The following BCR variants were observed in gnomAD, a reference collection of about 807,000 sequenced individuals.
BCR encodes BCR activator of RhoGEF and GTPase.
Under a neutral mutation model 138.6 loss-of-function variants are expected in BCR, and 58 were observed. That is an observed-to-expected ratio of 0.42 (90% CI 0.34 to 0.52). BCR has a LOEUF of 0.52. Among genes scored for constraint, BCR ranks in the 20% least tolerant of loss-of-function variants. The probability of loss-of-function intolerance (pLI) is 0.06; values close to 1 mark genes in which losing one functional copy is unlikely to be tolerated. For synonymous variants in BCR, 786 were observed against 730.1 expected (o/e 1.08, Z -1.23); for missense variants, 1,599 against 1,727.2 (o/e 0.93, Z 1.32).
chr22:23,226,248 A>G (rs1346649172), intron 1 of BCR, among the ~76,000 whole-genome samples: 6 of 152,206 alleles, frequency 3.9e-5, no homozygotes, highest in Middle Eastern at 3.4e-3. Context: ...TCCCGTCAGA[A>G]ATATCCTTCC....
chr22:23,258,059 G>A (rs2073314502), intron 2 of BCR, among the ~76,000 whole-genome samples: 2 of 152,194 alleles, frequency 1.3e-5, no homozygotes, highest in African/African-American at 2.4e-5. Flanking sequence ...GGGGACAGGT[G>A]TGCATGGAAC....
chr22:23,218,558 G>A (rs2072783881), intron 1 of BCR, among the ~76,000 whole-genome samples: 2 of 152,248 alleles, frequency 1.3e-5, no homozygotes, highest in South Asian at 4.1e-4. Context: ...GTGAGGAGGG[G>A]TCTGGCCTGC....
intron 16 of BCR, among the ~76,000 whole-genome samples, chr22:23,301,654 G>A (rs2073903406): frequency 1.3e-5 from 2 of 152,234 alleles, no homozygotes; most frequent in Admixed American, 1.3e-4. Flanking sequence ...GTCAATCTGG[G>A]CCAAAGCCTG....
At chr22:23,182,570 A>G (rs1341215315) in intron 1 of BCR, among the ~76,000 whole-genome samples, 1 of 152,152 alleles carries the variant, frequency 6.6e-6, no homozygotes, top group East Asian at 1.9e-4. Flanking sequence ...CCTCCTTGCT[A>G]TGTGCTCTCT....
In BCR at chr22:23,313,992, A is replaced by C. The variant is rs1198893680; in HGVS notation, c.3482A>C (p.Glu1161Ala). 3 of 1,613,992 alleles carry C rather than the reference A, an allele frequency of 1.9e-6. No homozygotes were observed. Among genetic ancestry groups the C allele is most frequent in the Non-Finnish European group, 2.5e-6 (3 of 1,180,016 alleles). Residue 1161 changes from glutamate to alanine, a missense_variant, in exon 21 of 23, where the codon GAG becomes GCG. Transcript: ENST00000305877. ...GIALSDPVAKESCMLNLLLSL... is the reference protein window; with the variant it reads ...GIALSDPVAKASCMLNLLLSL... ...GCTCTTTCAGACCCGGTTGCAAAGG[A>C]GAGCTGCATGCTCAACCTGCTGCTG...
In BCR at chr22:23,222,055, C is replaced by G. The variant is rs112170704; in HGVS notation, c.1280-31744C>G. Reference sequence around the variant, plus strand: ...GCAGTGAGCTGAGATCATGCCACTGCACTCCAGCTTGGGCAACAGAGTGAG... The same window carrying G: ...GCAGTGAGCTGAGATCATGCCACTGGACTCCAGCTTGGGCAACAGAGTGAG... On this transcript the variant is annotated intron_variant, in intron 1 of 22. Coordinates refer to ENST00000305877, the MANE Select transcript of BCR (RefSeq NM_004327.4). Among the ~76,000 whole-genome samples, 791 of 152,130 alleles carry G rather than the reference C, an allele frequency of 5.2e-3. 9 individuals carry two copies. The highest frequency in any genetic ancestry group is 0.017 in the African/African-American group (702 of 41,416).
intron 2 of BCR, among the ~76,000 whole-genome samples, chr22:23,255,904 C>A (rs536151004): frequency 6.6e-6 from 1 of 152,326 alleles, no homozygotes; most frequent in African/African-American, 2.4e-5. Context: ...CCCCTTGGCC[C>A]AGAGCTGGTC....
intron 7 of BCR, 39 bp downstream of exon 7, chr22:23,273,172 C>T (rs1386995967): frequency 2.5e-6 from 4 of 1,597,862 alleles, no homozygotes; most frequent in Non-Finnish European, 3.4e-6. Flanking sequence ...ACCAAAACTG[C>T]CCCCTCGGGC....
chr22:23,192,021 C>G (rs1257603694), intron 1 of BCR, among the ~76,000 whole-genome samples: 1 of 152,186 alleles, frequency 6.6e-6, no homozygotes, highest in Non-Finnish European at 1.5e-5. Flanking sequence ...TGCAAAATGA[C>G]TATAGATGTG....
At position 23,315,475 on chromosome 22, in the gene BCR, G is replaced by T. The variant is rs753713874; in HGVS notation, c.3769G>T (p.Ala1257Ser). Residue 1257 changes from alanine (A) to serine (S), a missense_variant, in exon 23 of 23, where the codon GCC (alanine) becomes TCC (serine). Physicochemically the swap from Ala to Ser is moderately conservative, Grantham distance 99. Around this residue, in one of 4 missense-constraint regions of BCR, gnomAD observed 177 missense variants for 226.4 expected, o/e 0.78. Transcript: ENST00000305877. ...CTTCCTGCAGCTGGAGGCCATCCCTGCCCCGGACAGCAAGAGACAGAGCAT... is the reference window on the plus strand; with the variant it reads ...CTTCCTGCAGCTGGAGGCCATCCCTTCCCCGGACAGCAAGAGACAGAGCAT... Reference protein sequence around the residue: ...LYFLQLEAIPAPDSKRQSILF... With the variant: ...LYFLQLEAIPSPDSKRQSILF... 1 of 1,613,076 alleles carries T rather than the reference G, an allele frequency of 6.2e-7. No homozygotes were observed. The highest frequency in any genetic ancestry group is 1.1e-5 in the South Asian group (1 of 91,044).
chr22:23,247,048 G>T (rs1022173322), intron 1 of BCR, among the ~76,000 whole-genome samples: 3 of 152,146 alleles, frequency 2.0e-5, no homozygotes, highest in Admixed American at 2.0e-4. Flanking sequence ...TCCCAGCCAT[G>T]GTTTTCCAAG....
At position 23,235,368 on chromosome 22, in the gene BCR, C is replaced by T. The variant is rs1414212289; in HGVS notation, c.1280-18431C>T. On this transcript the variant is annotated intron_variant, in intron 1 of 22. Transcript: ENST00000305877. ...GTGCTGAGATTACTAGTGTGAGCCA[C>T]CATGCCCGGCCTTCTCCAAGTTCCG... Among the ~76,000 whole-genome samples, 3 of 144,918 alleles carry T rather than the reference C, an allele frequency of 2.1e-5. 1 individual carries two copies. Among genetic ancestry groups the T allele is most frequent in the Non-Finnish European group, 4.7e-5 (3 of 63,732 alleles).
chr22:23,272,840 C>T (rs567310398), intron 6 of BCR, among the ~76,000 whole-genome samples: 2 of 152,258 alleles, frequency 1.3e-5, no homozygotes, highest in South Asian at 2.1e-4. Flanking sequence ...CTGTTGCCAC[C>T]GAGCCAGCCA....
chr22:23,241,139 G>A (rs2073085506), intron 1 of BCR, among the ~76,000 whole-genome samples: 1 of 152,366 alleles, frequency 6.6e-6, no homozygotes, highest in Admixed American at 6.5e-5. Context: ...TGCTGGGAAT[G>A]TGGTGAATGT....
rs2072308288 is a variant in BCR at position 23,184,156 on chromosome 22, A to C, written c.1279+1917A>C. On this transcript the variant is annotated intron_variant, in intron 1 of 22. Coordinates refer to ENST00000305877, the MANE Select transcript of BCR (RefSeq NM_004327.4). ...CAGGTTGGAATGCAGTAGTATGATCATAGCTCACTGCAACCTCAAAACTCT... is the reference window on the plus strand; with the variant it reads ...CAGGTTGGAATGCAGTAGTATGATCCTAGCTCACTGCAACCTCAAAACTCT... 2.0e-5 allele frequency among the ~76,000 whole-genome samples: 3 copies of C among 152,192 alleles called. No homozygotes were observed. In the South Asian group the frequency reaches 6.2e-4, roughly 32 times the overall value.
At chr22:23,220,998 A>G (rs2072818556) in intron 1 of BCR, among the ~76,000 whole-genome samples, 1 of 152,136 alleles carries the variant, frequency 6.6e-6, no homozygotes, top group African/African-American at 2.4e-5. Flanking sequence ...CTTTGATGGT[A>G]GGGCAGGATT....
chr22:23,196,541 G>C (rs1253222805), intron 1 of BCR, among the ~76,000 whole-genome samples: 1 of 152,150 alleles, frequency 6.6e-6, no homozygotes, highest in Non-Finnish European at 1.5e-5. Flanking sequence ...CAGGAAATTG[G>C]TTCCAGGATT....
intron 21 of BCR, 44 bp from the exon 22 acceptor site, chr22:23,314,508 G>T (rs746215306): frequency 6.2e-7 from 1 of 1,608,166 alleles, no homozygotes; most frequent in South Asian, 1.1e-5. Flanking sequence ...CCTCTCTCCT[G>T]GGGGTGGCGT....
At chr22:23,233,298 C>G (rs1055294734) in intron 1 of BCR, among the ~76,000 whole-genome samples, 1 of 152,214 alleles carries the variant, frequency 6.6e-6, no homozygotes, top group African/African-American at 2.4e-5. Flanking sequence ...CTCCTGCCGG[C>G]CTTTCTCCTG....
Sources: allele counts gnomAD v4.1 joint callset (sites outside exome capture counted in the v4.1 genomes callset), GRCh38; gene constraint gnomAD v4.1.1; regional missense constraint gnomAD v4.1.1; transcripts MANE v1.5; gene names NCBI Gene and HGNC (gene_info 2026-07-23, HGNC 2026-07-21).